The following WDR70 variants were observed in gnomAD, a reference collection of about 807,000 sequenced individuals.
WDR70 encodes the protein WD repeat domain 70, also known as WD repeat-containing protein 70.
WDR70 carries 53 observed loss-of-function variants against 88.6 expected under a neutral mutation model. The ratio of observed to expected loss-of-function variants is 0.60; its 90% CI spans 0.48 to 0.75. The LOEUF (loss-of-function observed/expected upper bound fraction) is 0.75, where lower values mean the gene tolerates loss of function less well. WDR70 is among the 30% of genes least tolerant of loss of function. The pLI is 0.00. For synonymous variants in WDR70, 280 were observed against 270.0 expected, an observed-to-expected ratio of 1.04 and a Z score of -0.36; for missense variants, 610 against 823.2, an observed-to-expected ratio of 0.74 and a Z score of 3.17.
chr5:37,626,981 T>C (rs894036833), intron 10 of WDR70, among the ~76,000 whole-genome samples: 2 of 152,224 alleles, frequency 1.3e-5, no homozygotes, highest in Non-Finnish European at 2.9e-5. Flanking sequence ...CTTCCGTTTA[T>C]GATTTTTTCA....
intron 17 of WDR70, among the ~76,000 whole-genome samples, chr5:37,745,180 T>C (rs1433656360): frequency 2.0e-5 from 3 of 151,994 alleles, no homozygotes; most frequent in African/African-American, 7.3e-5. Context: ...ACTAATAAGC[T>C]TCATAAGCGA....
chr5:37,403,749 C>T (rs1211737231), intron 5 of WDR70, among the ~76,000 whole-genome samples: 1 of 151,500 alleles, frequency 6.6e-6, no homozygotes, highest in Non-Finnish European at 1.5e-5. Flanking sequence ...AAGATGGGGT[C>T]TTGTTTCAAA....
chr5:37,688,414 A>G (rs992464170), intron 10 of WDR70, among the ~76,000 whole-genome samples: 4 of 152,186 alleles, frequency 2.6e-5, no homozygotes, highest in African/African-American at 9.6e-5. Context: ...CTATTTGGAT[A>G]TCTATACGTA....
intron 10 of WDR70, among the ~76,000 whole-genome samples, chr5:37,669,299 C>T (rs1450801068): frequency 6.6e-6 from 1 of 151,778 alleles, no homozygotes; most frequent in Non-Finnish European, 1.5e-5. Flanking sequence ...TTTGTCAGAT[C>T]CCACTGTCTT....
intron 10 of WDR70, among the ~76,000 whole-genome samples, chr5:37,659,421 A>G (rs1404893423): frequency 6.6e-6 from 1 of 151,080 alleles, no homozygotes; most frequent in Non-Finnish European, 1.5e-5. Flanking sequence ...TATTTTTTTT[A>G]TTTCTACTGT....
intron 5 of WDR70, among the ~76,000 whole-genome samples, chr5:37,433,123 C>T (rs191555862): frequency 6.6e-6 from 1 of 151,982 alleles, no homozygotes; most frequent in Non-Finnish European, 1.5e-5. Context: ...TACAGTGGCA[C>T]GATCTTGGCT....
chr5:37,684,923 G>A (rs1341316664), intron 10 of WDR70, among the ~76,000 whole-genome samples: 2 of 152,230 alleles, frequency 1.3e-5, no homozygotes, highest in Non-Finnish European at 2.9e-5. Context: ...GCAGAGCTCA[G>A]GGGCATGAGG....
intron 3 of WDR70, among the ~76,000 whole-genome samples, chr5:37,382,223 C>T (rs1327450607): frequency 5.9e-5 from 9 of 151,602 alleles, no homozygotes; most frequent in Admixed American, 3.9e-4. Flanking sequence ...CTCTGCCTCC[C>T]GAGTAGCTGG....
At chr5:37,409,894 C>T (rs1749469482) in intron 5 of WDR70, among the ~76,000 whole-genome samples, 1 of 152,168 alleles carries the variant, frequency 6.6e-6, no homozygotes, top group South Asian at 2.1e-4. Flanking sequence ...CCTCAGTTAG[C>T]AGTGGCTTTA....
chr5:37,539,354 C>G (rs1400960182), intron 9 of WDR70, among the ~76,000 whole-genome samples: 1 of 152,100 alleles, frequency 6.6e-6, no homozygotes, highest in African/African-American at 2.4e-5. Context: ...GAATGTGGGC[C>G]CTAATCCAAT....
chr5:37,564,302 T>A lies in WDR70; in HGVS notation c.918-40762T>A, dbSNP rs558353094. Among the ~76,000 whole-genome samples, 1,243 of 152,276 alleles carry A rather than the reference T, an allele frequency of 8.2e-3. 9 individuals are homozygous for A. The highest frequency in any genetic ancestry group is 0.02 in the African/African-American group (840 of 41,556). On this transcript the variant is annotated intron_variant, in intron 9 of 17. Transcript: ENST00000265107. ...ACCTCGGGAGGCCGAGGCTGGCAGATCACTCGTGGTTAGGAGCTGGAGACC... is the reference window on the plus strand; with the variant it reads ...ACCTCGGGAGGCCGAGGCTGGCAGAACACTCGTGGTTAGGAGCTGGAGACC...
chr5:37,506,870 CG>C lies in WDR70; in HGVS notation c.841-9642del. ...GTCACCCGCCTCATTGCGCTGCCCCCGGTGGGTCCTGAGTGAGCCACCACCC... is the reference window on the plus strand; with the variant it reads ...GTCACCCGCCTCATTGCGCTGCCCCCGTGGGTCCTGAGTGAGCCACCACCC... On this transcript the variant is annotated intron_variant, in intron 8 of 17. Coordinates refer to ENST00000265107, the MANE Select transcript of WDR70 (RefSeq NM_018034.4). 3 of 1,201,048 alleles carry C rather than the reference CG, an allele frequency of 2.5e-6. No individual in the cohort carries two copies. In the South Asian group the frequency reaches 3.6e-5, roughly 15 times the overall value. The allele number at this position is 1,201,048 out of a possible 1,614,324, so 74.4% of individuals were successfully genotyped here. A position where few individuals can be genotyped will look rare whatever the true frequency, so the allele number is the denominator to read the frequency against.
At chr5:37,697,790 A>C in intron 11 of WDR70, 36 bp downstream of exon 11, 1 of 1,526,340 alleles carries the variant, frequency 6.6e-7, no homozygotes, top group Non-Finnish European at 9.1e-7. Flanking sequence ...GTATTTCTCT[A>C]TATAAAATAA....
intron 7 of WDR70, among the ~76,000 whole-genome samples, chr5:37,462,502 C>A (rs1192190481): frequency 6.6e-6 from 1 of 152,140 alleles, no homozygotes; most frequent in African/African-American, 2.4e-5. Context: ...CGGGGTTTCA[C>A]CGTGTTAGTT....
intron 7 of WDR70, among the ~76,000 whole-genome samples, chr5:37,461,119 A>AAAT (rs1554141029): frequency 1.8e-4 from 26 of 146,382 alleles, no homozygotes; most frequent in African/African-American, 3.8e-4. Context: ...AAAAAAAAAA[A>AAAT]AAAAAATAAA....
chr5:37,462,823 C>T (rs1463218919), intron 7 of WDR70, among the ~76,000 whole-genome samples: 1 of 151,836 alleles, frequency 6.6e-6, no homozygotes, highest in African/African-American at 2.4e-5. Flanking sequence ...TTTTAATCCT[C>T]ACCCAATTTT....
intron 10 of WDR70, among the ~76,000 whole-genome samples, chr5:37,665,661 A>G (rs907138384): frequency 6.6e-6 from 1 of 152,190 alleles, no homozygotes; most frequent in Non-Finnish European, 1.5e-5. Context: ...TCACATCCCT[A>G]TGTAGAGATA....
At chr5:37,748,510 C>T (rs1414668367) in intron 17 of WDR70, among the ~76,000 whole-genome samples, 1 of 152,138 alleles carries the variant, frequency 6.6e-6, no homozygotes, top group African/African-American at 2.4e-5. Flanking sequence ...CATAAAAACC[C>T]TAGAAGAAAA....
At chr5:37,413,654 G>A (rs1395982637) in intron 5 of WDR70, among the ~76,000 whole-genome samples, 1 of 151,316 alleles carries the variant, frequency 6.6e-6, no homozygotes, top group Non-Finnish European at 1.5e-5. Flanking sequence ...CCAGGGAGGC[G>A]GAGGTTGCAG....
Sources: gnomAD v4.1 joint callset for allele counts (sites outside exome capture counted in the v4.1 genomes callset) on GRCh38, gnomAD v4.1.1 for gene constraint, MANE v1.5 for transcripts, NCBI Gene and HGNC (gene_info 2026-07-23, HGNC 2026-07-21) for gene names.